The following ZFHX3 variants were observed in gnomAD, a reference collection of about 807,000 sequenced individuals.
ZFHX3 encodes the protein zinc finger homeobox 3.
Under a neutral mutation model 279.1 loss-of-function variants are expected in ZFHX3, and 42 were observed. The ratio of observed to expected loss-of-function variants is 0.15; its 90% confidence interval spans 0.12 to 0.19. The LOEUF is 0.19. Ranked by LOEUF, ZFHX3 falls within the 10% of genes least tolerant of loss-of-function variation. The probability of loss-of-function intolerance (pLI) is 1.00; values close to 1 mark genes in which losing one functional copy is unlikely to be tolerated. For synonymous variants in ZFHX3, 2,293 were observed against 1,957.8 expected, an observed-to-expected ratio of 1.17 and a Z score of -4.52; for missense variants, 4,981 against 4,754.0, an observed-to-expected ratio of 1.05 and a Z score of -1.40.
chr16:73,634,043 AAAT>A lies in ZFHX3; in HGVS notation c.-1547+46134_-1547+46136del, dbSNP rs576993603. Among the ~76,000 whole-genome samples the A allele has an allele frequency of 9.2e-5, 14 of 152,352 alleles. No individual in the cohort carries two copies. In the South Asian group the frequency reaches 2.9e-3, roughly 32 times the overall value. Reference sequence around the variant, plus strand: ...TCTAAGAGCAACTATTAAATGACTGAAATAATATTCTTGACATTTTTATTTATA... The same window carrying A: ...TCTAAGAGCAACTATTAAATGACTGAAATATTCTTGACATTTTTATTTATA... On this transcript the variant is annotated intron_variant, in intron 2 of 17. Transcript: ENST00000641206.
At chr16:73,137,502 T>C (rs1354787766) in intron 6 of ZFHX3, 2 of 152,094 alleles carry the variant, frequency 1.3e-5, no homozygotes, top group Non-Finnish European at 2.9e-5. Flanking sequence ...TTGTTTCCGT[T>C]TTAGTTTATT....
intron 1 of ZFHX3, among the ~76,000 whole-genome samples, chr16:73,742,939 A>G (rs930095491): frequency 3.3e-5 from 5 of 152,190 alleles, no homozygotes; most frequent in Non-Finnish European, 5.9e-5. Flanking sequence ...GTCATTATTT[A>G]TGTCATCATC....
chr16:73,794,919 C>A (rs1284173038), intron 1 of ZFHX3, among the ~76,000 whole-genome samples: 3 of 152,148 alleles, frequency 2.0e-5, no homozygotes. Flanking sequence ...AAGGGAGATG[C>A]CTCTGTTCAT....
intron 7 of ZFHX3, among the ~76,000 whole-genome samples, chr16:73,096,711 C>T (rs571424524): frequency 5.3e-5 from 8 of 151,870 alleles, no homozygotes; most frequent in South Asian, 4.2e-4. Flanking sequence ...CCACCATGCC[C>T]GGCATTGAAG....
intron 5 of ZFHX3, among the ~76,000 whole-genome samples, chr16:72,827,302 A>G (rs915636353): frequency 1.3e-5 from 2 of 152,200 alleles, no homozygotes; most frequent in Admixed American, 6.5e-5. Flanking sequence ...AACAACTTAC[A>G]TAGAGCTTAC....
At chr16:73,248,015 T>C (rs999507888) in intron 5 of ZFHX3, among the ~76,000 whole-genome samples, 2 of 151,882 alleles carry the variant, frequency 1.3e-5, no homozygotes, top group South Asian at 2.1e-4. Flanking sequence ...GTATACTATG[T>C]ATATAATGTG....
At chr16:73,844,973 AGG>A (rs1961410357) in intron 1 of ZFHX3, among the ~76,000 whole-genome samples, 1 of 152,060 alleles carries the variant, frequency 6.6e-6, no homozygotes, top group African/African-American at 2.4e-5. Context: ...AATGGGCAAT[AGG>A]GGAATTAACA....
intron 5 of ZFHX3, among the ~76,000 whole-genome samples, chr16:73,187,512 G>C (rs1013977789): frequency 1.3e-5 from 2 of 152,306 alleles, no homozygotes; most frequent in Admixed American, 6.5e-5. Flanking sequence ...TTAGAGGAAA[G>C]AGAAAAGGAG....
intron 2 of ZFHX3, among the ~76,000 whole-genome samples, chr16:73,472,282 A>C (rs1271994227): frequency 2.6e-5 from 4 of 151,778 alleles, no homozygotes; most frequent in South Asian, 4.2e-4. Flanking sequence ...AAAAAAAAAA[A>C]AAAAACAGCA....
chr16:73,254,315 C>T (rs1270872319), intron 5 of ZFHX3, among the ~76,000 whole-genome samples: 6 of 152,066 alleles, frequency 3.9e-5, no homozygotes, highest in Admixed American at 1.3e-4. Flanking sequence ...CCCACTCCAG[C>T]GCCCTTTCAC....
chr16:73,743,195 A>G (rs1567395708), intron 1 of ZFHX3, among the ~76,000 whole-genome samples: 1 of 152,194 alleles, frequency 6.6e-6, no homozygotes, highest in Non-Finnish European at 1.5e-5. Context: ...TCTTATAAAC[A>G]GATAGCTTTG....
intron 4 of ZFHX3, among the ~76,000 whole-genome samples, chr16:73,305,053 C>A (rs773361986): frequency 6.8e-5 from 10 of 146,726 alleles, no homozygotes; most frequent in Non-Finnish European, 1.3e-4. Context: ...ATGACAGAGA[C>A]CACAAATAAA....
At chr16:72,844,337 A>C (rs1225487571) in intron 4 of ZFHX3, among the ~76,000 whole-genome samples, 1 of 152,158 alleles carries the variant, frequency 6.6e-6, no homozygotes, top group Non-Finnish European at 1.5e-5. Context: ...AAGTGACTGC[A>C]ATTTCAGTCC....
chr16:73,546,318 A>G (rs1389831422), intron 2 of ZFHX3, among the ~76,000 whole-genome samples: 1 of 151,824 alleles, frequency 6.6e-6, no homozygotes, highest in Non-Finnish European at 1.5e-5. Context: ...TGTGCATCCA[A>G]TAGGTTTCTG....
chr16:72,989,981 C>T (rs1299168778), intron 1 of ZFHX3, among the ~76,000 whole-genome samples: 2 of 152,192 alleles, frequency 1.3e-5, no homozygotes, highest in Admixed American at 1.3e-4. Flanking sequence ...CCAGACCTTT[C>T]CCTAACAGGG....
chr16:73,273,877 T>C (rs2014221616), intron 4 of ZFHX3, among the ~76,000 whole-genome samples: 1 of 152,246 alleles, frequency 6.6e-6, no homozygotes. Context: ...ATGCGGTGGC[T>C]CACGCCTGTA....
chr16:73,881,149 T>G (rs2030132993), intron 1 of ZFHX3, among the ~76,000 whole-genome samples: 2 of 152,238 alleles, frequency 1.3e-5, no homozygotes, highest in Middle Eastern at 3.4e-3. Context: ...TCATTCAGAA[T>G]AAGTCTATAG....
chr16:73,417,656 T>A (rs887071706), intron 3 of ZFHX3, among the ~76,000 whole-genome samples: 3 of 151,672 alleles, frequency 2.0e-5, no homozygotes, highest in Admixed American at 6.6e-5. Flanking sequence ...TAAAATAATT[T>A]AAAAATAATT....
chr16:73,546,560 C>T (rs980215436), intron 2 of ZFHX3, among the ~76,000 whole-genome samples: 3 of 152,000 alleles, frequency 2.0e-5, no homozygotes, highest in Admixed American at 6.6e-5. Context: ...CTAATGAAAG[C>T]GGCATGCGTG....
Sources: allele counts gnomAD v4.1 joint callset (sites outside exome capture counted in the v4.1 genomes callset), GRCh38; gene constraint gnomAD v4.1.1; transcripts MANE v1.5; gene names NCBI Gene and HGNC (gene_info 2026-07-23, HGNC 2026-07-21).